The following TXLNB variants were observed in gnomAD, a reference collection of about 807,000 sequenced individuals.
TXLNB encodes the protein taxilin beta.
Under a neutral mutation model 57.4 loss-of-function variants are expected in TXLNB, and 37 were observed. That is an observed-to-expected ratio of 0.64 (90% CI 0.50 to 0.85). The LOEUF (loss-of-function observed/expected upper bound fraction) is 0.85. Ranked by LOEUF, TXLNB falls within the 40% of genes least tolerant of loss-of-function variation. The probability of loss-of-function intolerance (pLI) is 0.00; values close to 1 mark genes in which losing one functional copy is unlikely to be tolerated. For missense variants in TXLNB, 848 were observed against 825.6 expected (o/e 1.03, Z -0.33); for synonymous variants, 302 against 309.6 (o/e 0.98, Z 0.26).
chr6:139,193,467 T>A, the TXLNB span, among the ~76,000 whole-genome samples: 5 of 152,118 alleles, frequency 3.3e-5, no homozygotes, highest in Admixed American at 3.3e-4. Context: ...AGCTCCAGGC[T>A]GTGGATTGGG....
At chr6:139,244,715 G>A in intron 8 of TXLNB, 25 bp from the exon 9 acceptor site, 1 of 1,537,510 alleles carries the variant, frequency 6.5e-7, no homozygotes, top group South Asian at 1.1e-5. Context: ...GTGAGTGTGT[G>A]TTAATCTTGA....
At chr6:139,217,864 CAA>C in the TXLNB span, among the ~76,000 whole-genome samples, 67 of 51,930 alleles carry the variant, frequency 1.3e-3, no homozygotes, top group African/African-American at 3.3e-3. Flanking sequence ...GCAAGAGTCT[CAA>C]AAAAAAAAAA....
chr6:139,313,275 T>C, the TXLNB span, among the ~76,000 whole-genome samples: 1 of 152,160 alleles, frequency 6.6e-6, no homozygotes, highest in South Asian at 2.1e-4. Context: ...GGTTTCACTG[T>C]GTTAGCCAGG....
chr6:139,311,396 G>C, the TXLNB span, among the ~76,000 whole-genome samples: 1 of 151,862 alleles, frequency 6.6e-6, no homozygotes, highest in Non-Finnish European at 1.5e-5. Flanking sequence ...TCTGTGGGCA[G>C]ATCTGAACGC....
intron 5 of TXLNB, among the ~76,000 whole-genome samples, chr6:139,261,828 G>T (rs59966136): frequency 0.03 from 4,463 of 150,756 alleles, 233 homozygotes; most frequent in African/African-American, 0.1. Context: ...CTGAATAAAT[G>T]ATATCATTAT....
chr6:139,252,825 A>G (rs1472627959), intron 7 of TXLNB, among the ~76,000 whole-genome samples: 1 of 152,152 alleles, frequency 6.6e-6, no homozygotes, highest in Non-Finnish European at 1.5e-5. Context: ...CCCTGTCTCT[A>G]CTAAAAATAC....
chr6:139,254,315 T>TTGTGTGTGTGTGTGTG lies in TXLNB; in HGVS notation c.1077+1233_1077+1248dup, dbSNP rs60108019. ...TTTTTTCTTTTACAATGAACACGAT[T>TTGTGTGTGTGTGTGTG]TGTGTGTGTGTGTGTGTGTGTGTGT... On this transcript the variant is annotated intron_variant, in intron 7 of 9. Coordinates refer to ENST00000358430, the MANE Select transcript of TXLNB (RefSeq NM_153235.4). Among the ~76,000 whole-genome samples, 805 of 150,112 alleles carry TTGTGTGTGTGTGTGTG rather than the reference T, an allele frequency of 5.4e-3. 3 individuals are homozygous for TTGTGTGTGTGTGTGTG. Among genetic ancestry groups the TTGTGTGTGTGTGTGTG allele is most frequent in the African/African-American group, 0.019 (773 of 40,974 alleles).
the TXLNB span, among the ~76,000 whole-genome samples, chr6:139,193,431 A>T: frequency 6.6e-6 from 1 of 151,834 alleles, no homozygotes; most frequent in Non-Finnish European, 1.5e-5. Context: ...TTTCTTGCTC[A>T]TGGGTTTTCA....
At chr6:139,165,262 A>G in the TXLNB span, among the ~76,000 whole-genome samples, 24 of 152,202 alleles carry the variant, frequency 1.6e-4, no homozygotes, top group Admixed American at 2.6e-4. Flanking sequence ...AAAAAAACAG[A>G]TTTTATTTTT....
At chr6:139,264,202 A>C (rs1178976889) in intron 4 of TXLNB, among the ~76,000 whole-genome samples, 1 of 152,220 alleles carries the variant, frequency 6.6e-6, no homozygotes, top group African/African-American at 2.4e-5. Context: ...ACTAACACTT[A>C]CTATATGTGT....
chr6:139,213,362 T>G, the TXLNB span, among the ~76,000 whole-genome samples: 5 of 152,316 alleles, frequency 3.3e-5, no homozygotes, highest in East Asian at 9.6e-4. Context: ...CTGAACAACC[T>G]GCTCCTAAAT....
chr6:139,255,598 A>C lies in TXLNB; in HGVS notation c.1043T>G (p.Val348Gly). 1.2e-6 allele frequency: 2 copies of C among 1,613,824 alleles called. No homozygotes were observed. Among genetic ancestry groups the C allele is most frequent in the African/African-American group, 2.7e-5 (2 of 74,950 alleles). The change falls in exon 7 of 10, where the codon GTG becomes GGG. Residue 348 changes from valine to glycine, a missense_variant. Physicochemically the swap from Val to Gly is moderately radical, Grantham distance 109. Transcript: ENST00000358430. ...CAGGACTGTCTCTTGCTCCTTCAGCACTTTCGCCTGAAGTTTCCACTCTGC... is the reference window on the plus strand; with the variant it reads ...CAGGACTGTCTCTTGCTCCTTCAGCCCTTTCGCCTGAAGTTTCCACTCTGC... ...QAAEWKLQAK[V>G]LKEQETVLQA...
the TXLNB span, chr6:139,169,679 C>T: frequency 6.6e-6 from 1 of 152,164 alleles, no homozygotes; most frequent in Non-Finnish European, 1.5e-5. Context: ...TGTCTGTGTT[C>T]CATGTAGTCT....
At chr6:139,161,911 T>C in the TXLNB span, among the ~76,000 whole-genome samples, 1 of 152,222 alleles carries the variant, frequency 6.6e-6, no homozygotes, top group African/African-American at 2.4e-5. Context: ...AGGTGACTGG[T>C]GAATTTACTC....
the TXLNB span, chr6:139,166,603 G>A: frequency 6.2e-7 from 1 of 1,614,260 alleles, no homozygotes; most frequent in Non-Finnish European, 8.5e-7. Context: ...TGAAGCGGAT[G>A]CAGGACGAGA....
the TXLNB span, among the ~76,000 whole-genome samples, chr6:139,317,241 C>A: frequency 1.1e-4 from 17 of 152,096 alleles, no homozygotes; most frequent in African/African-American, 3.9e-4. Context: ...AAAGTCATCT[C>A]TAAAAGAAGA....
chr6:139,215,015 G>A, the TXLNB span, among the ~76,000 whole-genome samples: 5 of 152,148 alleles, frequency 3.3e-5, no homozygotes, highest in South Asian at 2.1e-4. Flanking sequence ...ATGCTCATGG[G>A]TAGGAAGAAT....
chr6:139,292,745 T>C (rs1452112055), upstream of TXLNB, among the ~76,000 whole-genome samples: 1 of 152,240 alleles, frequency 6.6e-6, no homozygotes, highest in African/African-American at 2.4e-5. The surrounding 1 kb of genome is among the most constrained non-coding windows in gnomAD (Gnocchi z 4.0). Flanking sequence ...TTGTAAATCC[T>C]CAACATGCTC....
At chr6:139,213,451 C>T in the TXLNB span, among the ~76,000 whole-genome samples, 14 of 152,172 alleles carry the variant, frequency 9.2e-5, no homozygotes, top group Admixed American at 9.2e-4. Flanking sequence ...CACAACATAT[C>T]AAAATCTCTG....
Sources: gnomAD v4.1 joint callset for allele counts (sites outside exome capture counted in the v4.1 genomes callset) on GRCh38, gnomAD v4.1.1 for gene constraint, Gnocchi (gnomAD v3.1) non-coding constraint, MANE v1.5 for transcripts, NCBI Gene and HGNC (gene_info 2026-07-23, HGNC 2026-07-21) for gene names.